Variants in TCEANC observed in about 807,000 individuals in gnomAD.
TCEANC encodes transcription elongation factor A N-terminal and central domain-containing protein.
A neutral mutation model predicts 8.7 loss-of-function variants in TCEANC; 8 were observed. The ratio of observed to expected loss-of-function variants is 0.92; its 90% confidence interval spans 0.54 to 1.65. The LOEUF is 1.65. Ranked by LOEUF, TCEANC falls within the 40% of genes most tolerant of loss-of-function variation. The probability of loss-of-function intolerance (pLI) is 0.00; values close to 1 mark genes in which losing one functional copy is unlikely to be tolerated. For missense variants in TCEANC, 255 were observed against 251.9 expected, an observed-to-expected ratio of 1.01 and a Z score of -0.08; for synonymous variants, 78 against 92.9, an observed-to-expected ratio of 0.84 and a Z score of 0.92.
At chrX:13,663,618 C>T (rs2045990399) in exon 2 of TCEANC, 2 of 1,009,508 alleles carry the variant, frequency 2.0e-6, no homozygotes, top group Non-Finnish European at 2.6e-6. Context: ...TTTATTTGTA[C>T]AACCCTTTTG....
In TCEANC at chrX:13,657,058, C is replaced by T. The variant is rs1367254656; in HGVS notation, c.-9+1685C>T. 2.7e-5 allele frequency among the ~76,000 whole-genome samples: 3 copies of T among 112,099 alleles called. No homozygotes were observed. In the East Asian group the frequency reaches 8.3e-4, roughly 31 times the overall value. ...GCAGGGACTGTGTCTTTTCAAAAAT[C>T]CATGGGCTCTGTTTTATAGCACTTG... is the stretch of plus-strand genomic sequence containing the variant. On this transcript the variant is annotated intron_variant, in intron 1 of 1. Transcript: ENST00000380600.
At chrX:13,663,445 G>A (rs1479738522) in exon 2 of TCEANC, 7 of 1,180,697 alleles carry the variant, frequency 5.9e-6, no homozygotes, top group South Asian at 1.9e-5. Flanking sequence ...AATTGACAGA[G>A]GAACACTTTT....
At position 13,655,573 on chromosome X, in the gene TCEANC, T is replaced by C. The variant is rs2045918866; in HGVS notation, c.-9+200T>C. Among the ~76,000 whole-genome samples, 3 of 112,079 alleles carry C rather than the reference T, an allele frequency of 2.7e-5. No individual in the cohort carries two copies. The Admixed American group carries it at 2.8e-4, about 11-fold the overall frequency. ...TTCGGTCCAGGAGCAGAACCAGAGC[T>C]GTCTTTGGGGCTGATGGCAGCCTAA... On this transcript the variant is annotated intron_variant, in intron 1 of 1. Transcript: ENST00000380600.
chrX:13,657,328 G>T (rs1033659304), intron 1 of TCEANC, among the ~76,000 whole-genome samples: 2 of 111,765 alleles, frequency 1.8e-5, no homozygotes, highest in Admixed American at 9.5e-5. Context: ...AAAAACTATC[G>T]CAAACTCCTA....
intron 1 of TCEANC, among the ~76,000 whole-genome samples, chrX:13,658,125 T>A (rs2045938298): frequency 8.9e-6 from 1 of 111,800 alleles, no homozygotes; most frequent in Non-Finnish European, 1.9e-5. Flanking sequence ...AAAGATTAGT[T>A]GTTGACTTGG....
Position 13,663,506 on chromosome X carries a change from AC to A in TCEANC, c.999del (p.Tyr333Ter). 1.7e-6 allele frequency: 2 copies of A among 1,172,720 alleles called. No homozygotes were observed. The highest frequency in any genetic ancestry group is 2.3e-6 in the Non-Finnish European group (2 of 875,611). On this transcript the variant is annotated frameshift_variant, in exon 2 of 2. Transcript: ENST00000380600. LOFTEE classifies it high-confidence loss of function. ...AACCCAGATGAACAAATGATGACTT[AC>A]GTAATTTGTAACGAATGTGGGGAGC...
Position 13,662,298 on chromosome X carries a change from A to G in TCEANC, c.-8-203A>G, listed in dbSNP as rs372694068. Among the ~76,000 whole-genome samples, 6 of 111,956 alleles carry G rather than the reference A, an allele frequency of 5.4e-5. No individual in the cohort carries two copies. The East Asian group carries it at 1.7e-3, about 31-fold the overall frequency. ...CTGCAATGCTGTTTGTTTGTTTTTC[A>G]CTCGTAGGAATTAAACTCTTGAGAG... On this transcript the variant is annotated intron_variant, in intron 1 of 1. Coordinates refer to ENST00000380600, the Ensembl canonical transcript of TCEANC.
chrX:13,661,613 C>T (rs1314168580), intron 1 of TCEANC, among the ~76,000 whole-genome samples: 1 of 111,671 alleles, frequency 9.0e-6, no homozygotes, highest in Admixed American at 9.5e-5. Flanking sequence ...ACATTTAGAC[C>T]AGACAGATAA....
chrX:13,653,923 C>G (rs186180288), upstream of TCEANC, among the ~76,000 whole-genome samples: 3 of 111,703 alleles, frequency 2.7e-5, no homozygotes, highest in Admixed American at 1.9e-4. Context: ...ACTGTATACA[C>G]TTTTTGGTAT....
exon 2 of TCEANC, chrX:13,662,508 G>C: frequency 3.3e-6 from 4 of 1,198,444 alleles, no homozygotes; most frequent in Non-Finnish European, 4.5e-6. Context: ...CAGCTGTAAA[G>C]ATGTCTGACA....
At chrX:13,660,581 G>C (rs2045959215) in intron 1 of TCEANC, among the ~76,000 whole-genome samples, 1 of 112,254 alleles carries the variant, frequency 8.9e-6, no homozygotes. Flanking sequence ...GGCTGCTTCT[G>C]CTCAGCATAA....
chrX:13,662,867 C>T (rs1401232487), exon 2 of TCEANC: 5 of 1,211,607 alleles, frequency 4.1e-6, no homozygotes, highest in Admixed American at 2.2e-5. Flanking sequence ...ATCTGCAGCT[C>T]GAATTCTCTG....
rs59558243 is a variant in TCEANC, at chrX:13,661,033, A to G, written c.-8-1468A>G. Among the ~76,000 whole-genome samples the G allele has an allele frequency of 0.017, 1,893 of 110,871 alleles. 36 individuals carry two copies. The highest frequency in any genetic ancestry group is 0.058 in the African/African-American group (1,767 of 30,446). ...CTAATTTTTTGTATTTTTAGTAGAG[A>G]TGGGGTTTCACCATGTTAGCCAGGA... On this transcript the variant is annotated intron_variant, in intron 1 of 1. The change abolishes an upstream ATG in the 5' untranslated region. Transcript: ENST00000380600.
At chrX:13,658,265 CTG>C (rs2045939483) in intron 1 of TCEANC, among the ~76,000 whole-genome samples, 2 of 111,590 alleles carry the variant, frequency 1.8e-5, no homozygotes, top group Admixed American at 1.9e-4. Context: ...GGTTACACAA[CTG>C]TGAATATACT....
intron 1 of TCEANC, among the ~76,000 whole-genome samples, chrX:13,657,784 G>A (rs1374591604): frequency 3.0e-5 from 3 of 101,012 alleles, no homozygotes; most frequent in Non-Finnish European, 6.0e-5. Flanking sequence ...CTCCAGCATG[G>A]GTGACAGAGC....
exon 2 of TCEANC, chrX:13,663,928 A>T (rs1490611561): frequency 1.3e-5 from 2 of 149,994 alleles, no homozygotes; most frequent in Non-Finnish European, 2.8e-5. Context: ...TAGTTTGAGA[A>T]GTGCTACTTT....
upstream of TCEANC, among the ~76,000 whole-genome samples, chrX:13,654,738 C>T (rs1356106630): frequency 9.0e-6 from 1 of 111,510 alleles, no homozygotes; most frequent in Admixed American, 9.6e-5. Context: ...CTCAGCACCC[C>T]TCACTTCTGG....
exon 2 of TCEANC, chrX:13,662,762 A>G: frequency 1.7e-6 from 2 of 1,211,590 alleles, no homozygotes; most frequent in Non-Finnish European, 2.2e-6. Context: ...ACTCACTCCA[A>G]AGCGAGGAAC....
intron 1 of TCEANC, among the ~76,000 whole-genome samples, chrX:13,657,027 T>C (rs773545067): frequency 1.5e-3 from 165 of 112,043 alleles, no homozygotes; most frequent in Non-Finnish European, 2.9e-3. Context: ...CATAAGCATC[T>C]TGATGGCAGG....
Sources: gnomAD v4.1 joint callset for allele counts (sites outside exome capture counted in the v4.1 genomes callset) on GRCh38, gnomAD v4.1.1 for gene constraint, MANE v1.5 for transcripts, NCBI Gene and HGNC (gene_info 2026-07-23, HGNC 2026-07-21) for gene names.